TMEM67: variants seen among roughly 807,000 people sequenced by gnomAD.
TMEM67 encodes transmembrane protein 67, also known as meckelin.
A neutral mutation model predicts 136.6 loss-of-function variants in TMEM67; 124 were observed. The observed-to-expected ratio is 0.91, with a 90% CI of 0.78 to 1.05. TMEM67 has a LOEUF of 1.05. Ranked by LOEUF, TMEM67 falls within the 50% of genes least tolerant of loss-of-function variation. The pLI, the probability that TMEM67 is intolerant of heterozygous loss-of-function variation, is 0.00. For synonymous variants in TMEM67, 364 were observed against 390.5 expected (o/e 0.93, Z 0.80); for missense variants, 1,107 against 1,178.4 (o/e 0.94, Z 0.89).
At chr8:93,823,642 G>GC, downstream of TMEM67, among the ~76,000 whole-genome samples, 1 of 152,294 alleles carries the variant, frequency 6.6e-6, no homozygotes, top group Middle Eastern at 3.4e-3. Flanking sequence ...AACAGCATGT[G>GC]CAAAGGCCCT....
In TMEM67 at chr8:93,791,274, A is replaced by G. The variant is rs201483462; in HGVS notation, c.1530A>G (p.Ser510=). Residue 510 remains serine (S), a synonymous_variant, in exon 15 of 28, where the codon TCA becomes TCG. Transcript: ENST00000453321. ...GTTTTAAATATCAGGTTTCTTTCTC[A>G]GTCACATATGAAATGGATCATGGAG... ...ANSQSVKVSF[S]VTYEMDHGEA... is the part of the protein sequence containing the mutation. 13 of 1,605,424 alleles carry G rather than the reference A, an allele frequency of 8.1e-6. No individual in the cohort carries two copies. The East Asian group carries it at 2.9e-4, about 36-fold the overall frequency.
At chr8:93,831,459 A>G in the TMEM67 span, among the ~76,000 whole-genome samples, 1 of 152,212 alleles carries the variant, frequency 6.6e-6, no homozygotes, top group Admixed American at 6.5e-5. Context: ...CGATGGTTTA[A>G]TATTACTAAT....
chr8:93,797,418 T>C lies in TMEM67; in HGVS notation c.2048T>C (p.Val683Ala), dbSNP rs1479960366. The change falls in exon 20 of 28, where the codon GTG (valine) becomes GCG (alanine). Residue 683 changes from valine to alanine, a missense_variant. Physicochemically the swap from Val to Ala is moderately conservative, Grantham distance 64 (BLOSUM62 0). Coordinates refer to ENST00000453321, the MANE Select transcript of TMEM67 (RefSeq NM_153704.6). ...AATGAATGGAATGAAATTCAGACTG[T>C]GAGAAAAATTAATTCACTCTTTCAA... ...VANEWNEIQT[V>A]RKINSLFQVL... is the part of the protein sequence containing the mutation. 1 of 1,613,856 alleles carries C rather than the reference T, an allele frequency of 6.2e-7. No individual in the cohort carries two copies. Among genetic ancestry groups the C allele is most frequent in the Non-Finnish European group, 8.5e-7 (1 of 1,179,872 alleles).
intron 18 of TMEM67, among the ~76,000 whole-genome samples, chr8:93,796,271 C>T (rs1001189847): frequency 1.3e-5 from 2 of 152,142 alleles, no homozygotes; most frequent in Non-Finnish European, 2.9e-5. Flanking sequence ...GATACATTCA[C>T]AATGGGACAA....
At chr8:93,778,769 C>G (rs1327462074) in intron 7 of TMEM67, among the ~76,000 whole-genome samples, 3 of 152,216 alleles carry the variant, frequency 2.0e-5, no homozygotes. Context: ...CAACCTTTCT[C>G]TCTGGCTGCC....
the TMEM67 span, among the ~76,000 whole-genome samples, chr8:93,832,196 A>G: frequency 6.6e-6 from 1 of 152,146 alleles, no homozygotes; most frequent in South Asian, 2.1e-4. Context: ...CAGAAGGAGG[A>G]GCTCAGTGAG....
At chr8:93,813,434 C>A (rs1049858294) in intron 26 of TMEM67, among the ~76,000 whole-genome samples, 2 of 152,208 alleles carry the variant, frequency 1.3e-5, no homozygotes, top group Non-Finnish European at 2.9e-5. Context: ...CCACCTCGGC[C>A]TCCCAAAGTG....
chr8:93,757,365 C>T (rs539208089), intron 2 of TMEM67, among the ~76,000 whole-genome samples: 18 of 152,080 alleles, frequency 1.2e-4, no homozygotes, highest in African/African-American at 3.6e-4. Flanking sequence ...AGGCCGGGCG[C>T]GGTGGCTCAC....
downstream of TMEM67, among the ~76,000 whole-genome samples, chr8:93,822,470 A>G (rs959361674): frequency 1.4e-4 from 21 of 152,346 alleles, no homozygotes; most frequent in Admixed American, 7.2e-4. Context: ...TCAAGTTTGT[A>G]TTTGACCAAA....
At chr8:93,773,288 G>C (rs533697194) in intron 7 of TMEM67, among the ~76,000 whole-genome samples, 12 of 152,272 alleles carry the variant, frequency 7.9e-5, no homozygotes, top group African/African-American at 2.9e-4. Flanking sequence ...AGAGTGAGCA[G>C]GGAAAGTGGA....
At chr8:93,773,252 A>G (rs1428619118) in intron 7 of TMEM67, among the ~76,000 whole-genome samples, 1 of 152,104 alleles carries the variant, frequency 6.6e-6, no homozygotes, top group Non-Finnish European at 1.5e-5. Context: ...CTTAAGAGAG[A>G]AGGAGGAGGC....
chr8:93,758,687 G>A, intron 3 of TMEM67, 111 bp downstream of exon 3: 1 of 930,036 alleles, frequency 1.1e-6, no homozygotes, highest in South Asian at 1.4e-5. Context: ...TAATATTTTT[G>A]CAGTGGCTCA....
At position 93,795,471 on chromosome 8, in the gene TMEM67, A is replaced by G. The variant is rs942184170; in HGVS notation, c.1737A>G (p.Thr579=). ...TGGCCAATGTTTTCTTTATCATCAC[A>G]GTGGGAACAGGTCTTTACTGGCTTA... ...GDLANVFFII[T]VGTGLYWLIF... is the part of the protein sequence containing the mutation. Residue 579 remains threonine, a synonymous_variant, in exon 17 of 28, where the codon ACA becomes ACG. Coordinates refer to ENST00000453321, the MANE Select transcript of TMEM67 (RefSeq NM_153704.6). 3 of 1,613,986 alleles carry G rather than the reference A, an allele frequency of 1.9e-6. No homozygotes were observed. The highest frequency in any genetic ancestry group is 1.3e-5 in the African/African-American group (1 of 74,924).
intron 23 of TMEM67, among the ~76,000 whole-genome samples, chr8:93,806,279 TA>T (rs1325863674): frequency 6.6e-6 from 1 of 152,130 alleles, no homozygotes; most frequent in Non-Finnish European, 1.5e-5. Flanking sequence ...AACCAACTAT[TA>T]AAAAAATCTG....
At chr8:93,827,172 G>A in the TMEM67 span, among the ~76,000 whole-genome samples, 1 of 152,126 alleles carries the variant, frequency 6.6e-6, no homozygotes, top group Non-Finnish European at 1.5e-5. Flanking sequence ...TTGAGAAGGT[G>A]AGCATGGCAG....
At chr8:93,814,166 G>T (rs1252682587) in intron 26 of TMEM67, among the ~76,000 whole-genome samples, 17 of 110,084 alleles carry the variant, frequency 1.5e-4, no homozygotes, top group African/African-American at 5.6e-4. Flanking sequence ...TTGAGACGTA[G>T]TATTGCTCTG....
chr8:93,799,826 G>C (rs1814789638), intron 21 of TMEM67, 68 bp downstream of exon 21: 9 of 1,302,018 alleles, frequency 6.9e-6, no homozygotes, highest in African/African-American at 1.5e-5. Context: ...CCTAATTACT[G>C]ATTATCATCA....
At chr8:93,758,681 A>G in intron 3 of TMEM67, 105 bp downstream of exon 3, 1 of 978,024 alleles carries the variant, frequency 1.0e-6, no homozygotes, top group Non-Finnish European at 1.6e-6. Flanking sequence ...ATTACTTAAT[A>G]TTTTTGCAGT....
At chr8:93,772,556 A>G in intron 6 of TMEM67, 33 bp from the exon 7 acceptor site, 1 of 1,546,826 alleles carries the variant, frequency 6.5e-7, no homozygotes, top group Non-Finnish European at 8.9e-7. Context: ...AGTCATTTGA[A>G]CTTAAAAATA....
Sources: allele counts gnomAD v4.1 joint callset (sites outside exome capture counted in the v4.1 genomes callset), GRCh38; gene constraint gnomAD v4.1.1; transcripts MANE v1.5; gene names NCBI Gene and HGNC (gene_info 2026-07-23, HGNC 2026-07-21).